The following ARL15 variants were observed in gnomAD, a reference collection of about 807,000 sequenced individuals.
The protein encoded by ARL15 is ADP-ribosylation factor-like protein 15.
A neutral mutation model predicts 25.2 loss-of-function variants in ARL15; 19 were observed. That is an observed-to-expected ratio of 0.75 (90% CI 0.53 to 1.10). ARL15 has a LOEUF of 1.10. ARL15 is among the 50% of genes least tolerant of loss of function. The pLI is 0.00. For missense variants in ARL15, 220 were observed against 246.0 expected (o/e 0.89, Z 0.71); for synonymous variants, 94 against 86.8 (o/e 1.08, Z -0.46).
chr5:54,243,956 G>A (rs1757022440), intron 1 of ARL15, among the ~76,000 whole-genome samples: 1 of 152,144 alleles, frequency 6.6e-6, no homozygotes, highest in Non-Finnish European at 1.5e-5. Flanking sequence ...GAGCAAGTAT[G>A]GGCTGGAATT....
At chr5:53,913,363 C>T (rs759296954) in intron 4 of ARL15, among the ~76,000 whole-genome samples, 2 of 152,192 alleles carry the variant, frequency 1.3e-5, no homozygotes, top group Admixed American at 6.5e-5. Flanking sequence ...ATCCCCTTAA[C>T]TGAGTTTAGT....
rs869196680 is a variant in ARL15, at chr5:54,163,356, C to CTTTTTTTTTTTTTT, written c.193+8414_193+8427dup. ...GTCCATGAGGGCTATTGGTATGAAG[C>CTTTTTTTTTTTTTT]TTTTTTTTTTTTTTTTTTTTTTTTT... is the stretch of plus-strand genomic sequence containing the variant. On this transcript the variant is annotated intron_variant, in intron 2 of 4. Transcript: ENST00000504924. Among the ~76,000 whole-genome samples, 24 of 55,634 alleles carry CTTTTTTTTTTTTTT rather than the reference C, an allele frequency of 4.3e-4. 4 individuals carry two copies. Among genetic ancestry groups the CTTTTTTTTTTTTTT allele is most frequent in the Admixed American group, 8.0e-4 (3 of 3,742 alleles). 36.5% of individuals were successfully genotyped at this position (55,634 alleles called of 152,430 possible).
intron 4 of ARL15, among the ~76,000 whole-genome samples, chr5:54,100,884 A>AG (rs1224751067): frequency 6.6e-6 from 1 of 152,104 alleles, no homozygotes; most frequent in Non-Finnish European, 1.5e-5. Flanking sequence ...TGACTAGAAA[A>AG]GTGAACTACT....
intron 4 of ARL15, among the ~76,000 whole-genome samples, chr5:54,070,018 T>G (rs988928933): frequency 6.6e-6 from 1 of 151,558 alleles, no homozygotes. Flanking sequence ...GTTTTGCCCT[T>G]ATGAATGGAG....
chr5:54,232,619 G>A (rs1287735190), intron 1 of ARL15, among the ~76,000 whole-genome samples: 1 of 152,140 alleles, frequency 6.6e-6, no homozygotes, highest in Non-Finnish European at 1.5e-5. Flanking sequence ...AGAGTGGGAA[G>A]GGCAGGGGTG....
intron 4 of ARL15, among the ~76,000 whole-genome samples, chr5:53,913,533 C>A (rs988849971): frequency 6.6e-6 from 1 of 152,160 alleles, no homozygotes; most frequent in African/African-American, 2.4e-5. Flanking sequence ...CTTTTTATTA[C>A]TTACTAACTC....
intron 1 of ARL15, among the ~76,000 whole-genome samples, chr5:54,174,612 A>G (rs1387555897): frequency 3.3e-5 from 5 of 152,126 alleles, no homozygotes; most frequent in Admixed American, 3.3e-4. Flanking sequence ...ATCTTCCTTT[A>G]GTTCCAGCAC....
chr5:54,275,403 C>T (rs1459497851), intron 1 of ARL15, among the ~76,000 whole-genome samples: 38 of 152,258 alleles, frequency 2.5e-4, no homozygotes, highest in East Asian at 3.9e-4. Context: ...GGTATCATCA[C>T]GTACCTTAAG....
chr5:54,263,125 C>T (rs112246440), intron 1 of ARL15, among the ~76,000 whole-genome samples: 1,922 of 151,404 alleles, frequency 0.013, 51 homozygotes, highest in African/African-American at 0.044. Context: ...TTCTTTATGG[C>T]ACAATATTTT....
chr5:54,095,773 AT>A (rs1752266941), intron 4 of ARL15, among the ~76,000 whole-genome samples: 1 of 152,122 alleles, frequency 6.6e-6, no homozygotes, highest in African/African-American at 2.4e-5. Flanking sequence ...AAAAGGGCCC[AT>A]CTGCAAAATG....
chr5:54,003,863 C>G (rs3822497), intron 4 of ARL15, among the ~76,000 whole-genome samples: 24,107 of 152,008 alleles, frequency 0.16, 2,211 homozygotes, highest in East Asian at 0.45. Flanking sequence ...CTGTTAGAAA[C>G]AAAAGTAAGC....
At chr5:53,925,006 C>T (rs1216099488) in intron 4 of ARL15, among the ~76,000 whole-genome samples, 2 of 152,104 alleles carry the variant, frequency 1.3e-5, no homozygotes, top group Non-Finnish European at 2.9e-5. Flanking sequence ...AGCATTTTCA[C>T]AGAAGTCTCC....
At chr5:54,082,786 GA>G (rs1362279236) in intron 4 of ARL15, among the ~76,000 whole-genome samples, 1 of 150,576 alleles carries the variant, frequency 6.6e-6, no homozygotes, top group East Asian at 1.9e-4. Flanking sequence ...TTAGAGGGGG[GA>G]AAATTAGATG....
At chr5:54,035,697 G>GCTATTTCCAATGCAGTGT (rs1227137070) in intron 4 of ARL15, among the ~76,000 whole-genome samples, 3 of 152,020 alleles carry the variant, frequency 2.0e-5, no homozygotes, top group Middle Eastern at 3.2e-3. Context: ...AAATATGAGA[G>GCTATTTCCAATGCAGTGT]CTATTTCCAA....
At chr5:53,998,247 G>A (rs1057495491) in intron 4 of ARL15, among the ~76,000 whole-genome samples, 4 of 142,534 alleles carry the variant, frequency 2.8e-5, no homozygotes, top group African/African-American at 7.9e-5. Flanking sequence ...ATAATGTATC[G>A]TTCTTTTCCA....
intron 3 of ARL15, among the ~76,000 whole-genome samples, chr5:54,113,916 A>T (rs1752816040): frequency 3.9e-5 from 6 of 152,166 alleles, no homozygotes; most frequent in Admixed American, 2.6e-4. Context: ...CTAGGGAGTT[A>T]TTAGCACAAT....
intron 4 of ARL15, among the ~76,000 whole-genome samples, chr5:54,034,315 C>G (rs1178822587): frequency 6.6e-6 from 1 of 152,134 alleles, no homozygotes; most frequent in Non-Finnish European, 1.5e-5. Flanking sequence ...CTGTTTGGCC[C>G]TTGCTGAAAT....
intron 4 of ARL15, chr5:53,887,349 T>C: frequency 1.4e-6 from 1 of 701,046 alleles, no homozygotes; most frequent in Non-Finnish European, 2.6e-6. Flanking sequence ...CGTAAAATCT[T>C]CTACCTTTTT....
chr5:54,092,073 C>T (rs1752145297), intron 4 of ARL15, among the ~76,000 whole-genome samples: 1 of 149,714 alleles, frequency 6.7e-6, no homozygotes, highest in Non-Finnish European at 1.5e-5. Context: ...CACACACACA[C>T]CACCACCACC....
Sources: allele counts gnomAD v4.1 joint callset (sites outside exome capture counted in the v4.1 genomes callset), GRCh38; gene constraint gnomAD v4.1.1; transcripts MANE v1.5; gene names NCBI Gene and HGNC (gene_info 2026-07-23, HGNC 2026-07-21).